Variants in BTBD9 observed in about 807,000 individuals in gnomAD.
BTBD9 encodes the protein BTB/POZ domain-containing protein 9.
In BTBD9, 49 loss-of-function variants were observed where a neutral mutation model predicts 64.3. The observed-to-expected ratio is 0.76, with a 90% CI of 0.61 to 0.97. BTBD9 has a LOEUF of 0.97. BTBD9 is among the 50% of genes least tolerant of loss of function. BTBD9 has a pLI of 0.00. For synonymous variants in BTBD9, 260 were observed against 274.7 expected, an observed-to-expected ratio of 0.95 and a Z score of 0.53; for missense variants, 598 against 762.1, an observed-to-expected ratio of 0.78 and a Z score of 2.53.
intron 6 of BTBD9, among the ~76,000 whole-genome samples, chr6:38,355,185 C>T (rs992609233): frequency 1.3e-5 from 2 of 152,166 alleles, no homozygotes; most frequent in African/African-American, 4.8e-5. Context: ...TAGCAAGACG[C>T]TCCAAGTGGC....
At chr6:38,374,854 G>C (rs1378562017) in intron 6 of BTBD9, among the ~76,000 whole-genome samples, 1 of 152,148 alleles carries the variant, frequency 6.6e-6, no homozygotes, top group Non-Finnish European at 1.5e-5. Context: ...GCAAGGAATT[G>C]GAGTCAGAGT....
chr6:38,187,525 A>G (rs1341643279), intron 10 of BTBD9, among the ~76,000 whole-genome samples: 1 of 152,130 alleles, frequency 6.6e-6, no homozygotes, highest in African/African-American at 2.4e-5. Context: ...AGTCGGGGGA[A>G]GCGTTTGAGG....
chr6:38,619,942 A>C (rs1184081495), intron 1 of BTBD9, among the ~76,000 whole-genome samples: 2 of 152,198 alleles, frequency 1.3e-5, no homozygotes, highest in Non-Finnish European at 2.9e-5. Flanking sequence ...ATGGGGAATA[A>C]GTTGCCCATT....
At position 38,319,866 on chromosome 6, in the gene BTBD9, T is replaced by C. The variant is rs190913720; in HGVS notation, c.1264+25118A>G. On this transcript the variant is annotated intron_variant, in intron 7 of 10. Transcript: ENST00000481247. ...GCCCAGCACAGCACTAGGGCTTGCC[T>C]AGGATTTACAGTCCTTGTGGCCTAG... Among the ~76,000 whole-genome samples, 10 of 152,244 alleles carry C rather than the reference T, an allele frequency of 6.6e-5. No individual in the cohort carries two copies. The East Asian group carries it at 1.9e-3, about 30-fold the overall frequency.
intron 9 of BTBD9, among the ~76,000 whole-genome samples, chr6:38,213,153 G>A (rs571077497): frequency 2.6e-5 from 4 of 152,196 alleles, no homozygotes; most frequent in Middle Eastern, 3.4e-3. Flanking sequence ...TCACCAGACG[G>A]TCTCAGAATC....
intron 6 of BTBD9, among the ~76,000 whole-genome samples, chr6:38,387,430 G>A (rs1349861387): frequency 3.3e-5 from 5 of 152,112 alleles, no homozygotes; most frequent in African/African-American, 7.2e-5. Flanking sequence ...CCAGCTACTC[G>A]GGAGGCTGGG....
intron 6 of BTBD9, among the ~76,000 whole-genome samples, chr6:38,524,265 GT>G (rs1773389696): frequency 6.6e-6 from 1 of 152,036 alleles, no homozygotes; most frequent in East Asian, 1.9e-4. Context: ...AAGGAAAGTG[GT>G]TTTTAGCTGA....
intron 6 of BTBD9, among the ~76,000 whole-genome samples, chr6:38,457,062 C>T (rs1769850853): frequency 6.6e-6 from 1 of 151,872 alleles, no homozygotes; most frequent in Admixed American, 6.6e-5. Flanking sequence ...AGCAAAAGCG[C>T]TAGGGTGGGA....
chr6:38,288,147 G>T, intron 8 of BTBD9, 125 bp downstream of exon 8: 1 of 1,039,302 alleles, frequency 9.6e-7, no homozygotes, highest in Non-Finnish European at 1.4e-6. Flanking sequence ...CTCCTTTCTT[G>T]ATACTTAGAG....
intron 1 of BTBD9, among the ~76,000 whole-genome samples, chr6:38,631,522 C>T (rs371357202): frequency 2.0e-5 from 3 of 152,196 alleles, no homozygotes; most frequent in Non-Finnish European, 4.4e-5. Context: ...TGGTTTCCTC[C>T]TTGCTCTCTC....
chr6:38,202,112 A>G (rs1762486985), intron 9 of BTBD9, among the ~76,000 whole-genome samples: 1 of 140,244 alleles, frequency 7.1e-6, no homozygotes. Flanking sequence ...TTGAGATGGA[A>G]TCTCGCTCTG....
chr6:38,256,739 G>A (rs1055108544), intron 8 of BTBD9, among the ~76,000 whole-genome samples: 3 of 152,174 alleles, frequency 2.0e-5, no homozygotes, highest in Admixed American at 1.3e-4. Flanking sequence ...TCCCAGGCAG[G>A]CTCTGCCCCA....
At chr6:38,301,172 T>G (rs902540990) in intron 7 of BTBD9, among the ~76,000 whole-genome samples, 2 of 152,290 alleles carry the variant, frequency 1.3e-5, no homozygotes, top group Admixed American at 6.5e-5. Flanking sequence ...TTATTGATTT[T>G]CGTATGTTGA....
intron 6 of BTBD9, among the ~76,000 whole-genome samples, chr6:38,382,816 A>T (rs1051740239): frequency 1.3e-5 from 2 of 152,218 alleles, no homozygotes; most frequent in African/African-American, 4.8e-5. Flanking sequence ...TGAAATGGAC[A>T]AATTTCTAGG....
In BTBD9 at chr6:38,521,540, T is replaced by C. The variant is rs541131276; in HGVS notation, c.1154+56060A>G. On this transcript the variant is annotated intron_variant, in intron 6 of 10. Coordinates refer to ENST00000481247, the MANE Select transcript of BTBD9 (RefSeq NM_001099272.2). ...AAATTCTGAAATCTCAAATGCTCCA[T>C]TGAGAATTTCCTTTGAGCATCAAAA... Among the ~76,000 whole-genome samples the C allele has an allele frequency of 3.9e-5, 6 of 152,338 alleles. No homozygotes were observed. The South Asian group carries it at 1.0e-3, about 26-fold the overall frequency.
At chr6:38,175,328 C>T (rs913494517) in intron 10 of BTBD9, 146 bp from the exon 11 acceptor site, 27 of 743,434 alleles carry the variant, frequency 3.6e-5, no homozygotes, top group African/African-American at 1.6e-4. Context: ...ACGCCTGCCC[C>T]GGCGCAGACA....
intron 7 of BTBD9, among the ~76,000 whole-genome samples, chr6:38,341,908 C>T (rs1473655143): frequency 1.3e-5 from 2 of 152,138 alleles, no homozygotes; most frequent in South Asian, 2.1e-4. Flanking sequence ...GGCCTCTTCT[C>T]GTGGCTATAT....
At chr6:38,527,512 C>T (rs1204356258) in intron 6 of BTBD9, among the ~76,000 whole-genome samples, 1 of 152,044 alleles carries the variant, frequency 6.6e-6, no homozygotes, top group African/African-American at 2.4e-5. Flanking sequence ...TTTTATAAGG[C>T]AGTTTTCCCT....
intron 6 of BTBD9, among the ~76,000 whole-genome samples, chr6:38,363,637 C>A (rs1194409066): frequency 6.6e-6 from 1 of 152,046 alleles, no homozygotes; most frequent in Non-Finnish European, 1.5e-5. Flanking sequence ...ATTCTATTGG[C>A]AGGATTGTAT....
Sources: gnomAD v4.1 joint callset for allele counts (sites outside exome capture counted in the v4.1 genomes callset) on GRCh38, gnomAD v4.1.1 for gene constraint, MANE v1.5 for transcripts, NCBI Gene and HGNC (gene_info 2026-07-23, HGNC 2026-07-21) for gene names.